Variants in TUSC3 observed in about 807,000 individuals in gnomAD.
The protein encoded by TUSC3 is tumor suppressor candidate 3.
Under a neutral mutation model 44.8 loss-of-function variants are expected in TUSC3, and 45 were observed. That is an observed-to-expected ratio of 1.00 (90% CI 0.79 to 1.29). The LOEUF is 1.29. Ranked by LOEUF, TUSC3 falls within the 50% of genes most tolerant of loss-of-function variation. The probability of loss-of-function intolerance (pLI) is 0.00; values close to 1 mark genes in which losing one functional copy is unlikely to be tolerated. For missense variants in TUSC3, 519 were observed against 437.9 expected, an observed-to-expected ratio of 1.19 and a Z score of -1.65; for synonymous variants, 212 against 152.9, an observed-to-expected ratio of 1.39 and a Z score of -2.85.
chr8:15,775,633 C>T, the TUSC3 span, among the ~76,000 whole-genome samples: 56 of 56,010 alleles, frequency 1.0e-3, no homozygotes, highest in Non-Finnish European at 6.0e-4. Context: ...TATACAGACA[C>T]ATATATATAT....
At chr8:15,449,925 A>G (rs903248148) in intron 1 of TUSC3, among the ~76,000 whole-genome samples, 3 of 152,102 alleles carry the variant, frequency 2.0e-5, no homozygotes, top group Non-Finnish European at 4.4e-5. Flanking sequence ...TATTCAGTGT[A>G]GTCATGCTGT....
chr8:15,830,210 T>G, the TUSC3 span, among the ~76,000 whole-genome samples: 7 of 152,122 alleles, frequency 4.6e-5, no homozygotes, highest in Non-Finnish European at 1.0e-4. Context: ...GTTAAATGCA[T>G]AGTTTGTAAA....
At chr8:15,745,162 C>T (rs1180263186) in intron 8 of TUSC3, among the ~76,000 whole-genome samples, 1 of 151,948 alleles carries the variant, frequency 6.6e-6, no homozygotes, top group South Asian at 2.1e-4. Context: ...TGCATACATA[C>T]CACATTTTCT....
At chr8:15,758,252 G>T in intron 10 of TUSC3, 1 of 985,202 alleles carries the variant, frequency 1.0e-6, no homozygotes, top group African/African-American at 1.7e-5. Context: ...ATATTCAAGG[G>T]TAATAAAAAA....
intron 6 of TUSC3, among the ~76,000 whole-genome samples, chr8:15,690,386 A>C (rs1424760676): frequency 6.6e-6 from 1 of 151,942 alleles, no homozygotes; most frequent in Non-Finnish European, 1.5e-5. Context: ...GTTTCTTACA[A>C]ATTCTGAATA....
chr8:15,726,947 G>T (rs1049681138), intron 6 of TUSC3, among the ~76,000 whole-genome samples: 1 of 151,966 alleles, frequency 6.6e-6, no homozygotes, highest in South Asian at 2.1e-4. Context: ...TTTTTTTCTT[G>T]ACTATTCACC....
chr8:15,661,535 A>G (rs563936911), intron 4 of TUSC3, among the ~76,000 whole-genome samples: 5 of 152,082 alleles, frequency 3.3e-5, no homozygotes, highest in African/African-American at 7.2e-5. Flanking sequence ...AATCACCTCT[A>G]TAGGCACGTA....
rs1197859161 is a variant in TUSC3 at position 15,550,726 on chromosome 8, C to T, written c.138+10158C>T. ...TCTCACTGTCACCCAGGTTGGAGTG[C>T]AGTGGCATGGTCTCATCTCACTGCA... On this transcript the variant is annotated intron_variant, in intron 1 of 10. Coordinates refer to ENST00000503731, the MANE Select transcript of TUSC3 (RefSeq NM_006765.4). Among the ~76,000 whole-genome samples, 6 of 151,332 alleles carry T rather than the reference C, an allele frequency of 4.0e-5. No homozygotes were observed. In the Admixed American group the frequency reaches 4.0e-4, roughly 10 times the overall value.
At chr8:15,465,578 A>G (rs1286413442) in intron 1 of TUSC3, among the ~76,000 whole-genome samples, 5 of 152,236 alleles carry the variant, frequency 3.3e-5, no homozygotes, top group African/African-American at 7.2e-5. Context: ...ATGTGATCAA[A>G]GTTTTGCTCC....
intron 7 of TUSC3, among the ~76,000 whole-genome samples, chr8:15,735,875 T>TTTG (rs1554484143): frequency 1.8e-3 from 61 of 33,462 alleles, no homozygotes; most frequent in Admixed American, 0.017. Context: ...AATGGGTTTT[T>TTTG]TTTTTTTGTT....
downstream of TUSC3, among the ~76,000 whole-genome samples, chr8:15,767,130 T>G (rs538791023): frequency 7.2e-5 from 11 of 152,196 alleles, no homozygotes; most frequent in South Asian, 4.2e-4. Context: ...ACTCAAAGGG[T>G]ACAAGTATGC....
intron 2 of TUSC3, among the ~76,000 whole-genome samples, chr8:15,642,603 G>T (rs147343077): frequency 6.6e-6 from 1 of 152,210 alleles, no homozygotes; most frequent in Non-Finnish European, 1.5e-5. Context: ...ACCACATGAA[G>T]CTGAAGAATA....
chr8:15,837,037 A>G, the TUSC3 span, among the ~76,000 whole-genome samples: 1 of 151,952 alleles, frequency 6.6e-6, no homozygotes, highest in Non-Finnish European at 1.5e-5. Flanking sequence ...TTCTTTTATC[A>G]CTGTTTGTCT....
At chr8:15,847,832 G>C in the TUSC3 span, among the ~76,000 whole-genome samples, 3 of 152,070 alleles carry the variant, frequency 2.0e-5, no homozygotes, top group South Asian at 6.2e-4. Flanking sequence ...AACCCAACAG[G>C]CTGTGAGTGA....
chr8:15,576,324 TTA>T (rs1185649607), intron 1 of TUSC3, among the ~76,000 whole-genome samples: 1 of 148,826 alleles, frequency 6.7e-6, no homozygotes, highest in Non-Finnish European at 1.5e-5. Context: ...TTATTTTTTA[TTA>T]TACTTTAAGT....
At chr8:15,695,324 G>A (rs145873541) in intron 6 of TUSC3, among the ~76,000 whole-genome samples, 3,465 of 152,218 alleles carry the variant, frequency 0.023, 83 homozygotes, top group Non-Finnish European at 0.032. Context: ...GAGATCTGAT[G>A]GTTTTATAAA....
the TUSC3 span, among the ~76,000 whole-genome samples, chr8:15,832,905 T>A: frequency 6.6e-6 from 1 of 151,922 alleles, no homozygotes; most frequent in African/African-American, 2.4e-5. Flanking sequence ...TATCCCAGAT[T>A]GGAACTCATC....
At chr8:15,616,458 A>G (rs1003189037) in intron 1 of TUSC3, among the ~76,000 whole-genome samples, 4 of 152,140 alleles carry the variant, frequency 2.6e-5, no homozygotes, top group Admixed American at 2.6e-4. Context: ...CACGCCTGTA[A>G]TCAGTCTACT....
chr8:15,720,843 A>G (rs1810275120), intron 6 of TUSC3, among the ~76,000 whole-genome samples: 1 of 152,162 alleles, frequency 6.6e-6, no homozygotes, highest in Non-Finnish European at 1.5e-5. Flanking sequence ...ATACAAATCC[A>G]GATAATGATC....
Sources: allele counts gnomAD v4.1 joint callset (sites outside exome capture counted in the v4.1 genomes callset), GRCh38; gene constraint gnomAD v4.1.1; transcripts MANE v1.5; gene names NCBI Gene and HGNC (gene_info 2026-07-23, HGNC 2026-07-21).